Variants in ELP4 observed in about 807,000 individuals in gnomAD.
ELP4 encodes elongator acetyltransferase complex subunit 4.
A neutral mutation model predicts 48.9 loss-of-function variants in ELP4; 51 were observed. The ratio of observed to expected loss-of-function variants is 1.04; its 90% CI spans 0.83 to 1.32. The LOEUF is 1.32. ELP4 is among the 40% of genes most tolerant of loss of function. The pLI is 0.00. For missense variants in ELP4, 519 were observed against 514.6 expected (o/e 1.01, Z -0.08); for synonymous variants, 210 against 189.2 (o/e 1.11, Z -0.90).
At chr11:31,761,180 T>A (rs1250639211) in intron 9 of ELP4, among the ~76,000 whole-genome samples, 1 of 151,888 alleles carries the variant, frequency 6.6e-6, no homozygotes, top group Non-Finnish European at 1.5e-5. Context: ...CTACAAAAAA[T>A]TTCAAAAATT....
At chr11:31,700,532 C>A (rs1946499036) in intron 9 of ELP4, among the ~76,000 whole-genome samples, 2 of 152,002 alleles carry the variant, frequency 1.3e-5, no homozygotes, top group Admixed American at 1.3e-4. Flanking sequence ...AGAATAAAGG[C>A]TGTGGGTCTG....
At chr11:31,547,268 A>C (rs1370810085) in intron 3 of ELP4, among the ~76,000 whole-genome samples, 1 of 152,138 alleles carries the variant, frequency 6.6e-6, no homozygotes, top group Non-Finnish European at 1.5e-5. Context: ...AAGAGAGAAG[A>C]ATCAAATAGA....
chr11:31,575,644 T>G (rs1957262730), intron 3 of ELP4, among the ~76,000 whole-genome samples: 1 of 152,182 alleles, frequency 6.6e-6, no homozygotes, highest in African/African-American at 2.4e-5. Context: ...TTCAACATTC[T>G]TAAAGAAAAG....
At chr11:31,676,723 G>A (rs537679024) in intron 9 of ELP4, among the ~76,000 whole-genome samples, 24 of 152,106 alleles carry the variant, frequency 1.6e-4, no homozygotes, top group Non-Finnish European at 3.2e-4. Context: ...AATCCCCACA[G>A]CTAGTTCTCA....
intron 9 of ELP4, among the ~76,000 whole-genome samples, chr11:31,722,532 G>A (rs1946985992): frequency 6.6e-6 from 1 of 152,190 alleles, no homozygotes. Flanking sequence ...AGTAAGCCTT[G>A]CAGACAGAAT....
chr11:31,577,085 T>TA (rs1393028137), intron 3 of ELP4, among the ~76,000 whole-genome samples: 1 of 151,782 alleles, frequency 6.6e-6, no homozygotes, highest in Non-Finnish European at 1.5e-5. Context: ...ATAGACACAA[T>TA]AAAAAGATAA....
At chr11:31,624,536 A>G (rs933710001) in intron 5 of ELP4, among the ~76,000 whole-genome samples, 1 of 151,598 alleles carries the variant, frequency 6.6e-6, no homozygotes, top group African/African-American at 2.4e-5. Context: ...GTGGTAAGTG[A>G]ATGTGAAAGC....
chr11:31,564,609 A>G (rs1489932339), intron 3 of ELP4, among the ~76,000 whole-genome samples: 1 of 152,026 alleles, frequency 6.6e-6, no homozygotes, highest in African/African-American at 2.4e-5. Context: ...ATTCCTACCT[A>G]TGAGTGAGAA....
intron 9 of ELP4, chr11:31,654,270 T>G (rs1945382574): frequency 6.6e-6 from 1 of 151,666 alleles, no homozygotes; most frequent in Non-Finnish European, 1.5e-5. Flanking sequence ...AAATATACTG[T>G]AAAGACTTAC....
At chr11:31,635,729 T>C (rs1565089982) in intron 7 of ELP4, among the ~76,000 whole-genome samples, 1 of 152,126 alleles carries the variant, frequency 6.6e-6, no homozygotes, top group East Asian at 1.9e-4. Flanking sequence ...GCATTCAATA[T>C]ATGTTAGCAG....
At chr11:31,741,304 G>A (rs1434471208) in intron 9 of ELP4, among the ~76,000 whole-genome samples, 1 of 152,198 alleles carries the variant, frequency 6.6e-6, no homozygotes, top group Non-Finnish European at 1.5e-5. Flanking sequence ...GCCTCTGTAG[G>A]CTCCACCTCT....
intron 9 of ELP4, chr11:31,719,576 T>C (rs1221630835): frequency 5.0e-6 from 2 of 397,986 alleles, no homozygotes; most frequent in Admixed American, 4.4e-5. Context: ...ACAAGTATTA[T>C]CTGATACATA....
At chr11:31,557,193 A>G (rs1370968225) in intron 3 of ELP4, among the ~76,000 whole-genome samples, 3 of 151,900 alleles carry the variant, frequency 2.0e-5, no homozygotes, top group Admixed American at 6.6e-5. Context: ...TTTAAGGTCC[A>G]TAAGTGAAAG....
chr11:31,577,162 C>T (rs988014054), intron 3 of ELP4, among the ~76,000 whole-genome samples: 12 of 152,082 alleles, frequency 7.9e-5, no homozygotes, highest in Non-Finnish European at 1.3e-4. Flanking sequence ...AACACCTCTA[C>T]GCAAATAAAC....
intron 9 of ELP4, among the ~76,000 whole-genome samples, chr11:31,678,018 C>A (rs1375169286): frequency 9.2e-5 from 14 of 152,094 alleles, no homozygotes; most frequent in African/African-American, 3.4e-4. Context: ...TTTCTCTCCC[C>A]CTTCTTTCCT....
At chr11:31,706,554 T>C (rs1425910721) in intron 9 of ELP4, among the ~76,000 whole-genome samples, 4 of 147,984 alleles carry the variant, frequency 2.7e-5, no homozygotes, top group African/African-American at 9.8e-5. Flanking sequence ...TTTAATTTAA[T>C]ATATTAAATT....
intron 3 of ELP4, among the ~76,000 whole-genome samples, chr11:31,550,938 C>G (rs1956839545): frequency 6.6e-6 from 1 of 152,160 alleles, no homozygotes; most frequent in Non-Finnish European, 1.5e-5. Flanking sequence ...CTTCGACTTG[C>G]TAGCCATTGC....
intron 3 of ELP4, among the ~76,000 whole-genome samples, chr11:31,580,332 G>A (rs1332863263): frequency 6.6e-6 from 1 of 152,182 alleles, no homozygotes; most frequent in East Asian, 1.9e-4. Flanking sequence ...ACTTAATACT[G>A]TGAAATAGGA....
At chr11:31,528,938 C>G (rs902500235) in intron 2 of ELP4, among the ~76,000 whole-genome samples, 13 of 151,866 alleles carry the variant, frequency 8.6e-5, no homozygotes, top group African/African-American at 3.1e-4. Flanking sequence ...TTGTCATAGA[C>G]AAATGGCAGA....
Sources: allele counts gnomAD v4.1 joint callset (sites outside exome capture counted in the v4.1 genomes callset), GRCh38; gene constraint gnomAD v4.1.1; transcripts MANE v1.5; gene names NCBI Gene and HGNC (gene_info 2026-07-23, HGNC 2026-07-21).